The following RPH3A variants were observed in gnomAD, a reference collection of about 807,000 sequenced individuals.
RPH3A encodes rabphilin 3A, also known as rabphilin-3A.
RPH3A carries 48 observed loss-of-function variants against 102.2 expected under a neutral mutation model. That is an observed-to-expected ratio of 0.47 (90% CI 0.37 to 0.60). The LOEUF is 0.60. Among genes scored for constraint, RPH3A ranks in the 20% least tolerant of loss-of-function variants. RPH3A has a pLI of 0.00. For missense variants in RPH3A, 781 were observed against 910.1 expected, an observed-to-expected ratio of 0.86 and a Z score of 1.83; for synonymous variants, 310 against 324.3, an observed-to-expected ratio of 0.96 and a Z score of 0.47.
chr12:112,622,433 C>T (rs375839853), intron 1 of RPH3A, among the ~76,000 whole-genome samples: 46 of 77,202 alleles, frequency 6.0e-4, no homozygotes, highest in African/African-American at 2.1e-3. Flanking sequence ...GGAGCCGATG[C>T]GATCAACTGG....
Position 112,660,429 on chromosome 12 carries a change from A to T in RPH3A, c.-140+85110A>T, listed in dbSNP as rs76439264. 1.4e-3 allele frequency among the ~76,000 whole-genome samples: 206 copies of T among 152,122 alleles called. 2 individuals carry two copies. The highest frequency in any genetic ancestry group is 4.9e-3 in the African/African-American group (202 of 41,502). On this transcript the variant is annotated intron_variant, in intron 1 of 21. Coordinates refer to the RPH3A transcript ENST00000543106. ...TGGCCACACCCCCTGCCCCATACCAATTCCCTTCTCATCCTACTCCTGACC... is the reference window on the plus strand; with the variant it reads ...TGGCCACACCCCCTGCCCCATACCATTTCCCTTCTCATCCTACTCCTGACC...
chr12:112,633,209 C>A (rs376581616), intron 1 of RPH3A, among the ~76,000 whole-genome samples: 10 of 152,176 alleles, frequency 6.6e-5, no homozygotes, highest in African/African-American at 1.9e-4. Flanking sequence ...CTAAAAACAA[C>A]AACAAGAAAC....
intron 1 of RPH3A, among the ~76,000 whole-genome samples, chr12:112,670,826 C>T (rs559788052): frequency 1.3e-5 from 2 of 152,306 alleles, no homozygotes; most frequent in South Asian, 4.1e-4. Flanking sequence ...GGGTTGCACA[C>T]CATCACTTTC....
chr12:112,747,018 C>A (rs1221964715), intron 1 of RPH3A, among the ~76,000 whole-genome samples: 4 of 152,096 alleles, frequency 2.6e-5, no homozygotes, highest in Non-Finnish European at 1.5e-5. Flanking sequence ...CTATGTTATT[C>A]ATCCTTTAGG....
chr12:112,833,288 C>A (rs35853738), intron 3 of RPH3A, among the ~76,000 whole-genome samples: 46,955 of 152,034 alleles, frequency 0.31, 7,523 homozygotes, highest in Middle Eastern at 0.38. Context: ...TCGTTTAGTC[C>A]CATCATGTTG....
At chr12:112,863,247 C>T (rs1044767708) in intron 5 of RPH3A, among the ~76,000 whole-genome samples, 6 of 152,216 alleles carry the variant, frequency 3.9e-5, no homozygotes, top group Non-Finnish European at 8.8e-5. Flanking sequence ...AACAGATCCC[C>T]GTGTCATCTG....
At chr12:112,677,427 T>C (rs35117329) in intron 1 of RPH3A, among the ~76,000 whole-genome samples, 13 of 78,652 alleles carry the variant, frequency 1.7e-4, no homozygotes, top group East Asian at 1.4e-3. Context: ...CCTTCCTTCC[T>C]TCCTTCCTTC....
chr12:112,742,241 G>A (rs1274008794), intron 1 of RPH3A, among the ~76,000 whole-genome samples: 3 of 152,044 alleles, frequency 2.0e-5, no homozygotes, highest in African/African-American at 7.2e-5. Flanking sequence ...TCTTCTTTGG[G>A]CCCCCTGTGG....
At chr12:112,665,223 C>A (rs955339080) in intron 1 of RPH3A, among the ~76,000 whole-genome samples, 3 of 152,192 alleles carry the variant, frequency 2.0e-5, no homozygotes, top group Non-Finnish European at 2.9e-5. Context: ...GGAGTCCAGA[C>A]CAAGATGGCC....
intron 1 of RPH3A, among the ~76,000 whole-genome samples, chr12:112,608,600 C>A (rs1318230363): frequency 6.6e-6 from 1 of 152,164 alleles, no homozygotes; most frequent in Non-Finnish European, 1.5e-5. Context: ...GGGAAACTGG[C>A]TTTTCAGATG....
At chr12:112,716,344 T>C (rs1265424154) in intron 1 of RPH3A, among the ~76,000 whole-genome samples, 1 of 152,202 alleles carries the variant, frequency 6.6e-6, no homozygotes, top group Non-Finnish European at 1.5e-5. Context: ...ACTCACTAAA[T>C]ATTACTGAAT....
At chr12:112,816,584 T>G (rs981431978) in intron 2 of RPH3A, among the ~76,000 whole-genome samples, 1 of 152,200 alleles carries the variant, frequency 6.6e-6, no homozygotes, top group African/African-American at 2.4e-5. Context: ...AAACAGGTCA[T>G]GTGGCCACTC....
chr12:112,882,303 C>G (rs2042928219), intron 15 of RPH3A, among the ~76,000 whole-genome samples: 1 of 152,164 alleles, frequency 6.6e-6, no homozygotes, highest in South Asian at 2.1e-4. Flanking sequence ...CCCTTCTCTC[C>G]CCTCAAGCTC....
At chr12:112,743,263 C>T (rs949535192) in intron 1 of RPH3A, among the ~76,000 whole-genome samples, 5 of 152,294 alleles carry the variant, frequency 3.3e-5, no homozygotes, top group South Asian at 2.1e-4. Context: ...TTCTGCCTAC[C>T]GCAGCGTGGA....
chr12:112,894,934 T>A (rs928898809), intron 20 of RPH3A, among the ~76,000 whole-genome samples: 6 of 152,132 alleles, frequency 3.9e-5, no homozygotes, highest in Non-Finnish European at 7.4e-5. Flanking sequence ...TGTGGGGGAA[T>A]GTTGACATGG....
At chr12:112,817,506 T>G (rs1349675490) in intron 2 of RPH3A, among the ~76,000 whole-genome samples, 1 of 149,890 alleles carries the variant, frequency 6.7e-6, no homozygotes, top group Non-Finnish European at 1.5e-5. Flanking sequence ...CCAGGGAATT[T>G]TATACATTTA....
chr12:112,842,617 C>T (rs1376047971), intron 4 of RPH3A, among the ~76,000 whole-genome samples: 1 of 152,226 alleles, frequency 6.6e-6, no homozygotes, highest in Non-Finnish European at 1.5e-5. Flanking sequence ...TGAAGGGCTA[C>T]TCTGCCAGCA....
chr12:112,815,557 T>C (rs2041657324), intron 2 of RPH3A, among the ~76,000 whole-genome samples: 1 of 152,184 alleles, frequency 6.6e-6, no homozygotes, highest in Admixed American at 6.5e-5. Context: ...AATGCCCCTC[T>C]CTGCTGTGAG....
intron 1 of RPH3A, among the ~76,000 whole-genome samples, chr12:112,747,653 C>T (rs113771832): frequency 8.0e-4 from 121 of 152,194 alleles, no homozygotes; most frequent in African/African-American, 2.7e-3. Flanking sequence ...TGATCTCCCT[C>T]GATCTGGGTC....
Sources: gnomAD v4.1 joint callset for allele counts (sites outside exome capture counted in the v4.1 genomes callset) on GRCh38, gnomAD v4.1.1 for gene constraint, MANE v1.5 for transcripts, NCBI Gene and HGNC (gene_info 2026-07-23, HGNC 2026-07-21) for gene names.